ADAMTSL1: variants seen among roughly 807,000 people sequenced by gnomAD.
The protein encoded by ADAMTSL1 is ADAMTS-like protein 1.
Under a neutral mutation model 201.8 loss-of-function variants are expected in ADAMTSL1, and 126 were observed. The ratio of observed to expected loss-of-function variants is 0.62; its 90% confidence interval spans 0.54 to 0.72. The LOEUF (loss-of-function observed/expected upper bound fraction) is 0.72. ADAMTSL1 is among the 30% of genes least tolerant of loss of function. The pLI, the probability that ADAMTSL1 is intolerant of heterozygous loss-of-function variation, is 0.00. For missense variants in ADAMTSL1, 2,679 were observed against 2,277.8 expected (o/e 1.18, Z -3.59); for synonymous variants, 1,121 against 903.4 (o/e 1.24, Z -4.32).
chr9:18,848,374 C>A (rs923726855), intron 23 of ADAMTSL1, among the ~76,000 whole-genome samples: 3 of 152,186 alleles, frequency 2.0e-5, no homozygotes, highest in African/African-American at 7.2e-5. Context: ...GGAAATATGG[C>A]GTGCTTAATC....
Position 18,312,469 on chromosome 9 carries a change from G to T in ADAMTSL1, c.207+148488G>T, listed in dbSNP as rs565366237. Among the ~76,000 whole-genome samples the T allele has an allele frequency of 8.5e-4, 129 of 152,294 alleles. 1 individual carries two copies. In the Middle Eastern group the frequency reaches 0.017, roughly 20 times the overall value. On this transcript the variant is annotated intron_variant, in intron 2 of 29. Coordinates refer to the ADAMTSL1 transcript ENST00000680146. ...TACAGGAAATGGCTGCTAAGTGGTGGCCTTATGCACTGGCCTTGGCCTTGA... is the reference window on the plus strand; with the variant it reads ...TACAGGAAATGGCTGCTAAGTGGTGTCCTTATGCACTGGCCTTGGCCTTGA...
At chr9:18,289,164 TCTATCTATCTAC>T (rs1833148362) in intron 2 of ADAMTSL1, among the ~76,000 whole-genome samples, 3 of 127,384 alleles carry the variant, frequency 2.4e-5, no homozygotes, top group Non-Finnish European at 4.8e-5. Context: ...TATCTATCTA[TCTATCTATCTAC>T]CTACCTATCT....
At chr9:18,366,180 A>G (rs1041098578) in intron 2 of ADAMTSL1, among the ~76,000 whole-genome samples, 4 of 152,102 alleles carry the variant, frequency 2.6e-5, no homozygotes, top group African/African-American at 9.7e-5. Context: ...AAACATAAAC[A>G]AGGCAGTTCA....
chr9:18,219,278 A>G (rs76279648), intron 2 of ADAMTSL1, among the ~76,000 whole-genome samples: 1,599 of 151,912 alleles, frequency 0.011, 22 homozygotes, highest in African/African-American at 0.036. Flanking sequence ...GATTATACGG[A>G]TAACTGCTAT....
chr9:17,932,877 C>A (rs1352893769), intron 1 of ADAMTSL1, among the ~76,000 whole-genome samples: 1 of 152,040 alleles, frequency 6.6e-6, no homozygotes, highest in Non-Finnish European at 1.5e-5. Flanking sequence ...CTATCATGAC[C>A]AGATATATGA....
At chr9:18,275,976 A>G (rs1300783077) in intron 2 of ADAMTSL1, among the ~76,000 whole-genome samples, 1 of 152,074 alleles carries the variant, frequency 6.6e-6, no homozygotes, top group Admixed American at 6.5e-5. Flanking sequence ...TTGCATTTCC[A>G]CCAGCAATAT....
At chr9:18,244,396 C>T (rs1178445934) in intron 2 of ADAMTSL1, among the ~76,000 whole-genome samples, 1 of 152,056 alleles carries the variant, frequency 6.6e-6, no homozygotes, top group Non-Finnish European at 1.5e-5. Flanking sequence ...TTAAGGTATA[C>T]ATCCAACCTC....
chr9:18,094,026 T>C (rs141786132), intron 1 of ADAMTSL1, among the ~76,000 whole-genome samples: 9 of 152,238 alleles, frequency 5.9e-5, no homozygotes, highest in African/African-American at 2.2e-4. Flanking sequence ...ATCATTTCAT[T>C]TTGTCAGACA....
chr9:18,165,941 C>A (rs1027634248), intron 2 of ADAMTSL1, among the ~76,000 whole-genome samples: 3 of 151,862 alleles, frequency 2.0e-5, no homozygotes, highest in Non-Finnish European at 4.4e-5. Context: ...GGTGGAATTC[C>A]CTTTCTTGCC....
intron 3 of ADAMTSL1, among the ~76,000 whole-genome samples, chr9:18,545,196 T>A (rs1587518783): frequency 6.6e-6 from 1 of 152,192 alleles, no homozygotes; most frequent in South Asian, 2.1e-4. Flanking sequence ...TGCCCCAAAC[T>A]CATTCAATTC....
At chr9:18,870,848 A>T (rs916688390) in intron 23 of ADAMTSL1, among the ~76,000 whole-genome samples, 8 of 152,136 alleles carry the variant, frequency 5.3e-5, no homozygotes, top group Non-Finnish European at 2.9e-5. Context: ...GCAGGAAGGT[A>T]AGTCCAACTA....
chr9:18,091,836 G>C (rs1031639459), intron 1 of ADAMTSL1, among the ~76,000 whole-genome samples: 1 of 152,000 alleles, frequency 6.6e-6, no homozygotes, highest in Non-Finnish European at 1.5e-5. Context: ...TGATGAATAA[G>C]AAAACAGAGC....
chr9:18,735,752 T>TC (rs5896801), intron 15 of ADAMTSL1, among the ~76,000 whole-genome samples: 4 of 138,678 alleles, frequency 2.9e-5, no homozygotes, highest in African/African-American at 8.1e-5. Context: ...TTTTTTCTTT[T>TC]TTTTTTTTTT....
At chr9:18,907,038 GGTGGAGTTGAGCATTTCA>G in intron 28 of ADAMTSL1, 126 bp downstream of exon 28, 1 of 1,084,040 alleles carries the variant, frequency 9.2e-7, no homozygotes, top group Non-Finnish European at 1.3e-6. Flanking sequence ...GTGAGCTGGT[GGTGGAGTTGAGCATTTCA>G]GTGGGGTGCA....
intron 5 of ADAMTSL1, among the ~76,000 whole-genome samples, chr9:18,634,064 A>C (rs1192353859): frequency 6.6e-6 from 1 of 152,130 alleles, no homozygotes. Context: ...AGTATAAGGC[A>C]AGTTTTGTTT....
intron 4 of ADAMTSL1, chr9:18,574,620 T>TGTGTGTGTGTG: frequency 2.6e-6 from 1 of 380,864 alleles, no homozygotes. Context: ...TGTGTGTGTA[T>TGTGTGTGTGTG]TTAGAGACTG....
chr9:18,716,057 C>A (rs1587968107), intron 14 of ADAMTSL1, among the ~76,000 whole-genome samples: 1 of 150,108 alleles, frequency 6.7e-6, no homozygotes, highest in South Asian at 2.1e-4. Context: ...AAACTGGATC[C>A]CTTCCTTACA....
intron 2 of ADAMTSL1, among the ~76,000 whole-genome samples, chr9:18,431,767 C>A (rs1819502150): frequency 6.6e-6 from 1 of 152,064 alleles, no homozygotes; most frequent in Admixed American, 6.6e-5. Context: ...CAATCCTTAC[C>A]CACCTAAATG....
At position 17,945,933 on chromosome 9, in the gene ADAMTSL1, T is replaced by A. The variant is rs915000457; in HGVS notation, c.87+39011T>A. The stretch of plus-strand genomic sequence containing the variant: ...TATACATATGTAACTAACCTGCACA[T>A]GGTGCACATGTACCCTAAAACTTAA... On this transcript the variant is annotated intron_variant, in intron 1 of 29. Coordinates refer to the ADAMTSL1 transcript ENST00000680146. Among the ~76,000 whole-genome samples, 11 of 151,822 alleles carry A rather than the reference T, an allele frequency of 7.2e-5. No individual in the cohort carries two copies. The East Asian group carries it at 1.4e-3, about 19-fold the overall frequency.
Sources: gnomAD v4.1 joint callset for allele counts (sites outside exome capture counted in the v4.1 genomes callset) on GRCh38, gnomAD v4.1.1 for gene constraint, MANE v1.5 for transcripts, NCBI Gene and HGNC (gene_info 2026-07-23, HGNC 2026-07-21) for gene names.